The following PCDHGC4 variants were observed in gnomAD, a reference collection of about 807,000 sequenced individuals.
PCDHGC4 encodes the protein protocadherin gamma-C4.
PCDHGC4 carries 15 observed loss-of-function variants against 59.7 expected under a neutral mutation model. That is an observed-to-expected ratio of 0.25 (90% CI 0.17 to 0.39). The LOEUF is 0.39. Among genes scored for constraint, PCDHGC4 ranks in the 10% least tolerant of loss-of-function variants. The pLI is 1.00. For synonymous variants in PCDHGC4, 434 were observed against 481.4 expected (o/e 0.90, Z 1.29); for missense variants, 1,016 against 1,189.5 (o/e 0.85, Z 2.15).
chr5:141,490,050 C>T lies in PCDHGC4; in HGVS notation c.2442+2435C>T, dbSNP rs1400735375. On this transcript the variant is annotated intron_variant, in intron 1 of 3. Transcript: ENST00000306593. This position sits in a 1 kb window ranked among gnomAD's most constrained non-coding sequence, Gnocchi z 5.4. ...TCCGCCTCAATGCCACTGATCCAGA[C>T]GAGGGCACCAACGGCCAACTAGACT... The T allele has an allele frequency of 1.2e-6, 2 of 1,614,224 alleles. No individual in the cohort carries two copies. The highest frequency in any genetic ancestry group is 1.7e-6 in the Non-Finnish European group (2 of 1,180,022).
intron 1 of PCDHGC4, among the ~76,000 whole-genome samples, chr5:141,494,568 C>T (rs2099755322): frequency 6.6e-6 from 1 of 152,138 alleles, no homozygotes; most frequent in African/African-American, 2.4e-5. Context: ...GGAAAGGAGT[C>T]TCAGCTTGCT....
intron 1 of PCDHGC4, among the ~76,000 whole-genome samples, chr5:141,488,782 C>T (rs990081222): frequency 2.0e-5 from 3 of 152,178 alleles, no homozygotes; most frequent in Non-Finnish European, 1.5e-5. Flanking sequence ...TTTTGTATCA[C>T]TTTGTCTTCC....
intron 2 of PCDHGC4, among the ~76,000 whole-genome samples, chr5:141,499,326 C>T (rs1465474737): frequency 6.6e-6 from 1 of 152,156 alleles, no homozygotes. Context: ...TATCCCTGCT[C>T]TCTCTCAGTT....
chr5:141,510,847 AG>A, intron 3 of PCDHGC4, 99 bp from the exon 4 acceptor site: 3 of 1,595,350 alleles, frequency 1.9e-6, no homozygotes, highest in Non-Finnish European at 2.6e-6. Context: ...GTCAAGGCCC[AG>A]GGTGCTGTAT....
In PCDHGC4 at chr5:141,491,607, T is replaced by G; in HGVS notation, c.2443-3200T>G. On this transcript the variant is annotated intron_variant, in intron 1 of 3. Coordinates refer to ENST00000306593, the MANE Select transcript of PCDHGC4 (RefSeq NM_018928.3). The surrounding 1 kb of genome is among the most constrained non-coding windows in gnomAD (Gnocchi z 6.9). ...CCTCGGACGGCAGTGACTTCACTTT[T>G]CTAAGACCCCTCAGCGTTCAGCAGC... 6.2e-7 allele frequency: 1 copy of G among 1,613,932 alleles called. No homozygotes were observed. The highest frequency in any genetic ancestry group is 1.1e-5 in the South Asian group (1 of 91,084).
In PCDHGC4 at chr5:141,491,244, T is replaced by G. The variant is rs754328211; in HGVS notation, c.2443-3563T>G. The G allele has an allele frequency of 6.2e-6, 10 of 1,614,092 alleles. No homozygotes were observed. The South Asian group carries it at 1.1e-4, about 18-fold the overall frequency. ...CCACAGTGCTGCTGGTTCTGGAGGA[T>G]GAGGACCCTGAGGAAATGCCCAAAT... On this transcript the variant is annotated intron_variant, in intron 1 of 3. Transcript: ENST00000306593. This position sits in a 1 kb window ranked among gnomAD's most constrained non-coding sequence, Gnocchi z 6.9.
intron 2 of PCDHGC4, among the ~76,000 whole-genome samples, chr5:141,498,971 G>GGGAAGGAAGGAAGGAAGGAAGGAAGGAA (rs201769957): frequency 9.0e-6 from 1 of 110,972 alleles, no homozygotes; most frequent in Non-Finnish European, 1.8e-5. Flanking sequence ...GAGGGAGGGA[G>GGGAAGGAAGGAAGGAAGGAAGGAAGGAA]GGAAGGAAGG....
At chr5:141,510,810 A>G (rs1455434913) in intron 3 of PCDHGC4, 137 bp from the exon 4 acceptor site, 19 of 1,519,650 alleles carry the variant, frequency 1.3e-5, no homozygotes, top group Admixed American at 2.0e-5. Flanking sequence ...TACCTTGGTG[A>G]CCCCTATATT....
In PCDHGC4 at chr5:141,485,961, A is replaced by C. The variant is rs766687554; in HGVS notation, c.788A>C (p.Gln263Pro). ...ESAPAGMVLIQLNASDPDLGP... is the reference protein window; with the variant it reads ...ESAPAGMVLIPLNASDPDLGP... ...GCACCAGCGGGCATGGTGCTCATCC[A>C]GCTCAATGCCTCAGACCCGGACCTG... The change falls in exon 1 of 4, where the codon CAG becomes CCG. Residue 263 changes from glutamine (Q) to proline (P), a missense_variant. By Grantham distance (76) the Gln-to-Pro change is moderately conservative (BLOSUM62 -1). Coordinates refer to ENST00000306593, the MANE Select transcript of PCDHGC4 (RefSeq NM_018928.3). The surrounding 1 kb of genome is among the most constrained non-coding windows in gnomAD (Gnocchi z 5.7). 6.2e-7 allele frequency: 1 copy of C among 1,614,204 alleles called. No homozygotes were observed. The highest frequency in any genetic ancestry group is 1.1e-5 in the South Asian group (1 of 91,090).
Position 141,510,964 on chromosome 5 carries a change from T to C in PCDHGC4, c.2608T>C (p.Ser870Pro), listed in dbSNP as rs1237904575. 6.2e-7 allele frequency: 1 copy of C among 1,614,084 alleles called. No individual in the cohort carries two copies. Among genetic ancestry groups the C allele is most frequent in the South Asian group, 1.1e-5 (1 of 91,082 alleles). The change falls in exon 4 of 4, where the codon TCC becomes CCC. Residue 870 changes from serine to proline, a missense_variant. Coordinates refer to ENST00000306593, the MANE Select transcript of PCDHGC4 (RefSeq NM_018928.3). ...CTCTGCAGAAGCTGCTGATGGGAGC[T>C]CCACCCTGGGAGGGGGTGCCGGCAC... is the stretch of plus-strand genomic sequence containing the variant. The part of the protein sequence containing the change: ...ASASEAADGS[S>P]TLGGGAGTMG...
chr5:141,497,062 A>C (rs779414748), intron 2 of PCDHGC4, among the ~76,000 whole-genome samples: 6 of 152,024 alleles, frequency 3.9e-5, no homozygotes, highest in Non-Finnish European at 7.4e-5. Flanking sequence ...GGTGGCAGGC[A>C]CCTGTAATCC....
At chr5:141,507,557 C>T (rs959957585) in intron 3 of PCDHGC4, among the ~76,000 whole-genome samples, 5 of 152,250 alleles carry the variant, frequency 3.3e-5, no homozygotes, top group Middle Eastern at 3.4e-3. Flanking sequence ...AAGTGGCAGG[C>T]GGCTGGGTCT....
chr5:141,505,592 A>T, intron 3 of PCDHGC4, 111 bp downstream of exon 3: 2 of 1,567,266 alleles, frequency 1.3e-6, no homozygotes, highest in Admixed American at 3.6e-5. Flanking sequence ...GTTTCTCCAG[A>T]TCTTTCGGCA....
intron 2 of PCDHGC4, among the ~76,000 whole-genome samples, chr5:141,504,443 A>C (rs1043353401): frequency 2.0e-5 from 3 of 152,070 alleles, no homozygotes; most frequent in African/African-American, 4.8e-5. Context: ...CAGTGTGACT[A>C]GTGCCATGTG....
At position 141,486,783 on chromosome 5, in the gene PCDHGC4, C is replaced by A. The variant is rs905423670; in HGVS notation, c.1610C>A (p.Ala537Asp). ...CAGACACTGCAGTTTGAGGTGCAGG[C>A]CCGGGATCGGGGCAACCCACCCCTT... The part of the protein sequence containing the change: ...QTQTLQFEVQ[A>D]RDRGNPPLSS... Residue 537 changes from alanine to aspartate, a missense_variant, in exon 1 of 4, where the codon GCC becomes GAC. Transcript: ENST00000306593. The surrounding 1 kb of genome is among the most constrained non-coding windows in gnomAD (Gnocchi z 5.0). 6.2e-7 allele frequency: 1 copy of A among 1,614,102 alleles called. No homozygotes were observed.
intron 3 of PCDHGC4, 61 bp downstream of exon 3, chr5:141,505,542 A>G (rs2099846540): frequency 6.2e-7 from 1 of 1,604,832 alleles, no homozygotes; most frequent in African/African-American, 1.3e-5. Context: ...GGTGCATCTC[A>G]CAGCCACCAT....
Position 141,490,509 on chromosome 5 carries a change from G to A in PCDHGC4, c.2442+2894G>A. 6.2e-7 allele frequency: 1 copy of A among 1,614,072 alleles called. No individual in the cohort carries two copies. On this transcript the variant is annotated intron_variant, in intron 1 of 3. Transcript: ENST00000306593. The surrounding 1 kb of genome is among the most constrained non-coding windows in gnomAD (Gnocchi z 5.4). ...AGGCCACATCCCACTATATCATCGA[G>A]CTGCTGGCCAGCGATGCTGGTTCAC...
intron 2 of PCDHGC4, among the ~76,000 whole-genome samples, chr5:141,496,054 G>A (rs180707408): frequency 6.6e-6 from 1 of 150,988 alleles, no homozygotes; most frequent in Admixed American, 6.6e-5. Context: ...TTTTGTGCTT[G>A]TGGGCAAGCC....
chr5:141,489,211 A>G lies in PCDHGC4; in HGVS notation c.2442+1596A>G, dbSNP rs1206929838. On this transcript the variant is annotated intron_variant, in intron 1 of 3. Coordinates refer to ENST00000306593, the MANE Select transcript of PCDHGC4 (RefSeq NM_018928.3). This position sits in a 1 kb window ranked among gnomAD's most constrained non-coding sequence, Gnocchi z 4.5. The stretch of plus-strand genomic sequence containing the variant: ...CTACCTTGGAGACAGGACAGCACAG[A>G]CTTACTCTCCACAAAGGGACTTCTG... 2 of 1,462,498 alleles carry G rather than the reference A, an allele frequency of 1.4e-6. No individual in the cohort carries two copies. Among genetic ancestry groups the G allele is most frequent in the Non-Finnish European group, 1.8e-6 (2 of 1,081,560 alleles). The allele number at this position is 1,462,498 out of a possible 1,614,324, so 90.6% of individuals were successfully genotyped here. A position where few individuals can be genotyped will look rare whatever the true frequency, so the allele number is the denominator to read the frequency against.
Sources: gnomAD v4.1 joint callset for allele counts (sites outside exome capture counted in the v4.1 genomes callset) on GRCh38, gnomAD v4.1.1 for gene constraint, Gnocchi (gnomAD v3.1) non-coding constraint, MANE v1.5 for transcripts, NCBI Gene and HGNC (gene_info 2026-07-23, HGNC 2026-07-21) for gene names.